Variants in IPO11 observed in about 807,000 individuals in gnomAD.
IPO11 encodes importin 11.
IPO11 carries 66 observed loss-of-function variants against 143.2 expected under a neutral mutation model. That is an observed-to-expected ratio of 0.46 (90% confidence interval 0.38 to 0.57). The LOEUF (loss-of-function observed/expected upper bound fraction) is 0.57. Ranked by LOEUF, IPO11 falls within the 20% of genes least tolerant of loss-of-function variation. The pLI, the probability that IPO11 is intolerant of heterozygous loss-of-function variation, is 0.00. For missense variants in IPO11, 1,026 were observed against 1,141.0 expected (o/e 0.90, Z 1.45); for synonymous variants, 385 against 377.8 (o/e 1.02, Z -0.22).
intron 29 of IPO11, among the ~76,000 whole-genome samples, chr5:62,626,132 C>T (rs1007358545): frequency 1.3e-5 from 2 of 152,058 alleles, no homozygotes; most frequent in South Asian, 2.1e-4. Flanking sequence ...CAGATTCAGG[C>T]GATTCTCCTG....
intron 19 of IPO11, among the ~76,000 whole-genome samples, chr5:62,509,966 G>T (rs1443936913): frequency 6.6e-6 from 1 of 152,156 alleles, no homozygotes; most frequent in African/African-American, 2.4e-5. Flanking sequence ...TTTTTTGGAA[G>T]CTCAATGCTA....
At chr5:62,433,962 G>A (rs1744080248) in intron 1 of IPO11, among the ~76,000 whole-genome samples, 1 of 152,040 alleles carries the variant, frequency 6.6e-6, no homozygotes, top group African/African-American at 2.4e-5. Context: ...CCTTTCATAT[G>A]TTGATAGCAA....
chr5:62,488,714 G>C (rs1199285665), intron 13 of IPO11, among the ~76,000 whole-genome samples: 4 of 152,160 alleles, frequency 2.6e-5, no homozygotes, highest in African/African-American at 9.7e-5. Context: ...TTGTCAGAAT[G>C]AGTGTTGGCC....
intron 12 of IPO11, among the ~76,000 whole-genome samples, chr5:62,487,386 C>T (rs1160310151): frequency 6.6e-6 from 1 of 151,652 alleles, no homozygotes; most frequent in East Asian, 1.9e-4. Flanking sequence ...CAGAGTGAGA[C>T]TGTGTCTCAA....
chr5:62,574,930 C>T (rs1033761641), intron 27 of IPO11, among the ~76,000 whole-genome samples: 1 of 152,154 alleles, frequency 6.6e-6, no homozygotes, highest in Non-Finnish European at 1.5e-5. Flanking sequence ...AAATTTTATG[C>T]TTCTCATGCA....
intron 26 of IPO11, among the ~76,000 whole-genome samples, chr5:62,554,515 C>G (rs528796968): frequency 6.6e-6 from 1 of 152,082 alleles, no homozygotes; most frequent in Admixed American, 6.6e-5. Flanking sequence ...GTTTTTCTGG[C>G]ACCATCGTTG....
At chr5:62,519,418 CTAACA>C (rs1366091516) in intron 20 of IPO11, among the ~76,000 whole-genome samples, 1 of 152,178 alleles carries the variant, frequency 6.6e-6, no homozygotes, top group Non-Finnish European at 1.5e-5. Context: ...CTTTCTCACT[CTAACA>C]TATTGTTTAT....
At chr5:62,441,759 C>T (rs1346392311) in intron 2 of IPO11, among the ~76,000 whole-genome samples, 1 of 148,566 alleles carries the variant, frequency 6.7e-6, no homozygotes, top group East Asian at 2.0e-4. Flanking sequence ...CATGGTGGTC[C>T]ACCTGCCTCG....
chr5:62,446,892 G>A (rs1286959701), intron 3 of IPO11, among the ~76,000 whole-genome samples: 3 of 151,868 alleles, frequency 2.0e-5, no homozygotes, highest in Non-Finnish European at 1.5e-5. Flanking sequence ...TCTCGAACCT[G>A]GGAGGCAGAG....
intron 1 of IPO11, among the ~76,000 whole-genome samples, chr5:62,431,037 G>T (rs962875551): frequency 1.7e-4 from 26 of 151,524 alleles, no homozygotes; most frequent in Non-Finnish European, 2.9e-5. Context: ...GCAGTGCAGT[G>T]GTGCACTCTC....
chr5:62,567,171 G>T (rs1399549359), intron 27 of IPO11, among the ~76,000 whole-genome samples: 1 of 152,150 alleles, frequency 6.6e-6, no homozygotes, highest in Non-Finnish European at 1.5e-5. Flanking sequence ...CTGCATGTTT[G>T]AAGTATATTT....
chr5:62,452,878 G>A (rs1206259163), intron 5 of IPO11, among the ~76,000 whole-genome samples: 2 of 150,258 alleles, frequency 1.3e-5, no homozygotes, highest in African/African-American at 5.0e-5. Flanking sequence ...TCAGCCTCAC[G>A]AGTAGCTAGG....
chr5:62,559,695 TCA>T (rs1445036953), intron 26 of IPO11, among the ~76,000 whole-genome samples: 3 of 151,962 alleles, frequency 2.0e-5, no homozygotes, highest in East Asian at 3.9e-4. Flanking sequence ...GGCGGGTGGA[TCA>T]CCTTAGGTCC....
intron 24 of IPO11, among the ~76,000 whole-genome samples, chr5:62,548,940 T>G (rs1580312996): frequency 6.6e-6 from 1 of 152,248 alleles, no homozygotes; most frequent in Admixed American, 6.5e-5. Context: ...GGGAGTGAAA[T>G]TATACATGTA....
chr5:62,532,687 T>C (rs1742598393), intron 22 of IPO11, among the ~76,000 whole-genome samples: 1 of 152,206 alleles, frequency 6.6e-6, no homozygotes, highest in Non-Finnish European at 1.5e-5. Flanking sequence ...TAGAAATCTT[T>C]GTAGCTGATG....
chr5:62,540,480 G>A (rs930169049), intron 24 of IPO11, among the ~76,000 whole-genome samples: 4 of 152,172 alleles, frequency 2.6e-5, no homozygotes, highest in Admixed American at 6.5e-5. Context: ...CAACAATATT[G>A]TTAAAGTAAT....
At chr5:62,545,495 C>T (rs1308385485) in intron 24 of IPO11, among the ~76,000 whole-genome samples, 1 of 152,086 alleles carries the variant, frequency 6.6e-6, no homozygotes, top group African/African-American at 2.4e-5. Context: ...CCATAAAAAC[C>T]CTAGAAGAAA....
chr5:62,582,614 A>G (rs1371503678), intron 27 of IPO11, among the ~76,000 whole-genome samples: 1 of 152,198 alleles, frequency 6.6e-6, no homozygotes, highest in African/African-American at 2.4e-5. Flanking sequence ...CTTTACAGTA[A>G]CAATAACCAT....
rs568804464 is a variant in IPO11 at position 62,526,323 on chromosome 5, T to G, written c.2012+66T>G. On this transcript the variant is annotated intron_variant, in intron 21 of 29. Coordinates refer to ENST00000325324, the MANE Select transcript of IPO11 (RefSeq NM_016338.5). ...GTGACCTTTCCTACTCTCATGCCAG[T>G]AAAGTTAAGGTCATGTAATAGGGCT... is the stretch of plus-strand genomic sequence containing the variant. 1.6e-4 allele frequency: 182 copies of G among 1,141,528 alleles called. 1 individual carries two copies. The African/African-American group carries it at 2.7e-3, about 17-fold the overall frequency. The allele number at this position is 1,141,528 out of a possible 1,614,324, so 70.7% of individuals were successfully genotyped here.
Sources: gnomAD v4.1 joint callset for allele counts (sites outside exome capture counted in the v4.1 genomes callset) on GRCh38, gnomAD v4.1.1 for gene constraint, MANE v1.5 for transcripts, NCBI Gene and HGNC (gene_info 2026-07-23, HGNC 2026-07-21) for gene names.